EYS: variants seen among roughly 807,000 people sequenced by gnomAD.
The protein encoded by EYS is EGF-like photoreceptor maintenance factor.
Under a neutral mutation model 282.1 loss-of-function variants are expected in EYS, and 250 were observed. The ratio of observed to expected loss-of-function variants is 0.89; its 90% CI spans 0.80 to 0.98. EYS has a LOEUF of 0.98. Ranked by LOEUF, EYS falls within the 50% of genes least tolerant of loss-of-function variation. The probability of loss-of-function intolerance (pLI) is 0.00; values close to 1 mark genes in which losing one functional copy is unlikely to be tolerated. For missense variants in EYS, 4,016 were observed against 3,709.0 expected (o/e 1.08, Z -2.15); for synonymous variants, 1,355 against 1,282.9 (o/e 1.06, Z -1.20).
chr6:65,425,221 T>C (rs1767615121), intron 5 of EYS, among the ~76,000 whole-genome samples: 1 of 152,088 alleles, frequency 6.6e-6, no homozygotes, highest in Non-Finnish European at 1.5e-5. Flanking sequence ...TACATTAAAA[T>C]ACTTGAATTA....
chr6:65,388,133 G>T (rs1300192816), intron 7 of EYS, among the ~76,000 whole-genome samples: 1 of 151,964 alleles, frequency 6.6e-6, no homozygotes, highest in Non-Finnish European at 1.5e-5. Flanking sequence ...CAAGGTCACT[G>T]CCTGGATTTC....
At chr6:64,433,817 T>G (rs1008717194) in intron 28 of EYS, among the ~76,000 whole-genome samples, 2 of 152,162 alleles carry the variant, frequency 1.3e-5, no homozygotes, top group South Asian at 4.1e-4. Flanking sequence ...AAATACAGAC[T>G]GTCCATGTTT....
chr6:64,713,598 T>C (rs1166293023), intron 22 of EYS, among the ~76,000 whole-genome samples: 1 of 152,084 alleles, frequency 6.6e-6, no homozygotes, highest in African/African-American at 2.4e-5. Context: ...CTAGGGAGTA[T>C]AGGGGACTTA....
chr6:64,919,472 C>T (rs567911991), intron 15 of EYS, among the ~76,000 whole-genome samples: 1 of 139,096 alleles, frequency 7.2e-6, no homozygotes, highest in South Asian at 2.2e-4. Flanking sequence ...TCTAAATGAA[C>T]TCAAGAATTT....
chr6:65,333,196 C>T (rs536148133), intron 11 of EYS, among the ~76,000 whole-genome samples: 2 of 151,262 alleles, frequency 1.3e-5, no homozygotes, highest in Admixed American at 6.6e-5. Flanking sequence ...AAATTTTATT[C>T]GCAGCACTGC....
rs370180704 is a variant in EYS at position 65,332,402 on chromosome 6, C to T, written c.1766+2578G>A. On this transcript the variant is annotated intron_variant, in intron 11 of 42. Transcript: ENST00000503581. ...GTTGCTGAATTTGGTGTGGTATCAC[C>T]GTGTTGAGGATTCTTCTGTGAATTA... 251 of 1,310,964 alleles carry T rather than the reference C, an allele frequency of 1.9e-4. No homozygotes were observed. Among genetic ancestry groups the T allele is most frequent in the African/African-American group, 1.6e-3 (108 of 68,068 alleles). The allele number at this position is 1,310,964 out of a possible 1,614,324, so 81.2% of individuals were successfully genotyped here.
At chr6:64,941,488 T>C (rs193099448) in intron 15 of EYS, among the ~76,000 whole-genome samples, 1 of 152,042 alleles carries the variant, frequency 6.6e-6, no homozygotes, top group East Asian at 1.9e-4. Flanking sequence ...ATTTAGGGAG[T>C]ACATGTGCAA....
At chr6:65,616,370 CAATT>C (rs1348883516) in intron 2 of EYS, among the ~76,000 whole-genome samples, 2 of 151,600 alleles carry the variant, frequency 1.3e-5, no homozygotes, top group South Asian at 2.1e-4. Flanking sequence ...CTGTTTAAGA[CAATT>C]AATGTGTTAA....
intron 26 of EYS, among the ~76,000 whole-genome samples, chr6:64,451,152 G>T (rs1462571147): frequency 1.3e-5 from 2 of 151,956 alleles, no homozygotes; most frequent in Non-Finnish European, 2.9e-5. Flanking sequence ...TCAAATAGAT[G>T]CAATAAAAAA....
chr6:65,454,083 A>ATTTTTTTTTTTTTTT (rs377215212), intron 5 of EYS, among the ~76,000 whole-genome samples: 1 of 150,324 alleles, frequency 6.7e-6, no homozygotes, highest in African/African-American at 2.4e-5. Context: ...TCTATTTTTC[A>ATTTTTTTTTTTTTTT]TTTTTTGAGG....
In EYS at chr6:64,420,836, C is replaced by T. The variant is rs566135635; in HGVS notation, c.5927+15338G>A. Among the ~76,000 whole-genome samples the T allele has an allele frequency of 1.1e-4, 17 of 152,306 alleles. No individual in the cohort carries two copies. In the South Asian group the frequency reaches 1.2e-3, roughly 11 times the overall value. ...AGTTCTTCCTCTCCATCTGAGACCA[C>T]CTCAGCCTGGACTTCCTTGTTCGTT... is the stretch of plus-strand genomic sequence containing the variant. On this transcript the variant is annotated intron_variant, in intron 28 of 42. Coordinates refer to ENST00000503581, the MANE Select transcript of EYS (RefSeq NM_001142800.2).
intron 5 of EYS, among the ~76,000 whole-genome samples, chr6:65,486,346 G>C (rs1765782637): frequency 6.6e-6 from 1 of 152,078 alleles, no homozygotes; most frequent in East Asian, 1.9e-4. Flanking sequence ...AAATGTTTAA[G>C]TCTCTAAAGA....
chr6:64,005,432 G>T (rs1768298712), intron 33 of EYS, among the ~76,000 whole-genome samples: 1 of 152,096 alleles, frequency 6.6e-6, no homozygotes, highest in African/African-American at 2.4e-5. Context: ...TGTTTACTCT[G>T]TTGCTAGTTT....
At chr6:64,361,113 A>G (rs1039564877) in intron 29 of EYS, among the ~76,000 whole-genome samples, 1 of 151,734 alleles carries the variant, frequency 6.6e-6, no homozygotes. Context: ...TCCAAAGAAT[A>G]TGGAACTATA....
rs199977380 is a variant in EYS at position 65,380,638 on chromosome 6, AAG to A, written c.1299+3746_1299+3747del. ...TGACAAATGGGATCTAATCAAAATG[AAG>A]AGCTTCTGCTCAGCAAAAGAAACTG... On this transcript the variant is annotated intron_variant, in intron 8 of 42. Transcript: ENST00000503581. 2.4e-3 allele frequency among the ~76,000 whole-genome samples: 359 copies of A among 152,316 alleles called. 1 individual carries two copies. The highest frequency in any genetic ancestry group is 8.3e-3 in the African/African-American group (344 of 41,578).
Position 65,560,787 on chromosome 6 carries a change from T to G in EYS, c.-332-64794A>C, listed in dbSNP as rs1422863139. Among the ~76,000 whole-genome samples the G allele has an allele frequency of 2.0e-5, 3 of 152,132 alleles. No homozygotes were observed. In the South Asian group the frequency reaches 6.2e-4, roughly 31 times the overall value. ...TACATTAAAGAGTATAAAGTGAGTA[T>G]GTATATTATTATATATACTGGTCCC... On this transcript the variant is annotated intron_variant, in intron 2 of 42. Coordinates refer to ENST00000503581, the MANE Select transcript of EYS (RefSeq NM_001142800.2).
chr6:64,285,451 C>G (rs1223692432), intron 30 of EYS, among the ~76,000 whole-genome samples: 3 of 152,206 alleles, frequency 2.0e-5, no homozygotes, highest in African/African-American at 7.2e-5. Flanking sequence ...ACCACCTCAG[C>G]CTTGATTTCA....
chr6:65,210,375 A>G (rs1316678940), intron 12 of EYS, among the ~76,000 whole-genome samples: 2 of 152,026 alleles, frequency 1.3e-5, no homozygotes, highest in African/African-American at 4.8e-5. Flanking sequence ...ATAATGACAG[A>G]ATAGAGGAAA....
chr6:64,869,868 A>G (rs1335015816), intron 19 of EYS, among the ~76,000 whole-genome samples: 1 of 151,492 alleles, frequency 6.6e-6, no homozygotes, highest in Non-Finnish European at 1.5e-5. Flanking sequence ...TTTTTATGTA[A>G]GACAAGTCTG....
Sources: gnomAD v4.1 joint callset for allele counts (sites outside exome capture counted in the v4.1 genomes callset) on GRCh38, gnomAD v4.1.1 for gene constraint, MANE v1.5 for transcripts, NCBI Gene and HGNC (gene_info 2026-07-23, HGNC 2026-07-21) for gene names.